Variants in DYNC1LI2 observed in about 807,000 individuals in gnomAD.
DYNC1LI2 encodes the protein dynein cytoplasmic 1 light intermediate chain 2, also known as cytoplasmic dynein 1 light intermediate chain 2.
DYNC1LI2 carries 19 observed loss-of-function variants against 57.8 expected under a neutral mutation model. The ratio of observed to expected loss-of-function variants is 0.33; its 90% CI spans 0.23 to 0.48. The LOEUF (loss-of-function observed/expected upper bound fraction) is 0.48, where lower values mean the gene tolerates loss of function less well. Among genes scored for constraint, DYNC1LI2 ranks in the 20% least tolerant of loss-of-function variants. DYNC1LI2 has a pLI of 0.99. For missense variants in DYNC1LI2, 470 were observed against 604.2 expected (o/e 0.78, Z 2.33); for synonymous variants, 256 against 233.4 (o/e 1.10, Z -0.88).
At chr16:66,727,384 T>C (rs1463640561) in intron 11 of DYNC1LI2, among the ~76,000 whole-genome samples, 1 of 152,126 alleles carries the variant, frequency 6.6e-6, no homozygotes, top group Non-Finnish European at 1.5e-5. Flanking sequence ...AGACCCTGTC[T>C]CTAAAAAAAT....
In DYNC1LI2 at chr16:66,730,158, G is replaced by A. The variant is rs368729372; in HGVS notation, c.995C>T (p.Pro332Leu). The A allele has an allele frequency of 2.2e-5, 36 of 1,613,980 alleles. No individual in the cohort carries two copies. The highest frequency in any genetic ancestry group is 2.5e-5 in the Non-Finnish European group (30 of 1,180,010). The change falls in exon 8 of 13, where the codon CCG (proline) becomes CTG (leucine). Residue 332 changes from proline to leucine, a missense_variant. Coordinates refer to ENST00000258198, the MANE Select transcript of DYNC1LI2 (RefSeq NM_006141.3). Reference sequence around the variant, plus strand: ...AATAAAGTCTTCATATGCATCTTCCGGCTTCACGGTTGTAAAATTTTCATG... The same window carrying A: ...AATAAAGTCTTCATATGCATCTTCCAGCTTCACGGTTGTAAAATTTTCATG... ...ILHENFTTVK[P>L]EDAYEDFIVK...
chr16:66,735,592 C>T (rs1043868592), intron 5 of DYNC1LI2, among the ~76,000 whole-genome samples: 1 of 151,952 alleles, frequency 6.6e-6, no homozygotes. Context: ...CTGCAAGCTC[C>T]ACCTCCTGGG....
chr16:66,728,369 T>A (rs899260614), intron 9 of DYNC1LI2, 127 bp from the exon 10 acceptor site: 4 of 1,088,006 alleles, frequency 3.7e-6, no homozygotes, highest in Non-Finnish European at 5.3e-6. Context: ...CTATGTTTTA[T>A]ACCACAGATG....
rs1362641731 is a variant in DYNC1LI2, at chr16:66,732,330, A to G, written c.929+9T>C. ...AAGAGTTTCAAAGCATCAGCTCAAAATAACTCACATAAAAACGGCATCCTT... is the reference window on the plus strand; with the variant it reads ...AAGAGTTTCAAAGCATCAGCTCAAAGTAACTCACATAAAAACGGCATCCTT... On this transcript the variant is annotated intron_variant, in intron 7 of 12. Transcript: ENST00000258198. 1.9e-6 allele frequency: 3 copies of G among 1,610,000 alleles called. No individual in the cohort carries two copies. The highest frequency in any genetic ancestry group is 1.7e-4 in the Middle Eastern group (1 of 5,932).
In DYNC1LI2 at chr16:66,744,590, A is replaced by G. The variant is rs777836031; in HGVS notation, c.299-1922T>C. Among the ~76,000 whole-genome samples the G allele has an allele frequency of 1.4e-4, 21 of 152,300 alleles. 1 individual carries two copies. The South Asian group carries it at 1.4e-3, about 11-fold the overall frequency. ...CACTCTATCACCCAGGCTGGAGTGT[A>G]GTGGCACGATATTGGCTCACTGCAA... On this transcript the variant is annotated intron_variant, in intron 3 of 12. Transcript: ENST00000258198.
intron 3 of DYNC1LI2, among the ~76,000 whole-genome samples, chr16:66,743,058 AG>A (rs1254349976): frequency 6.6e-6 from 1 of 152,150 alleles, no homozygotes; most frequent in Non-Finnish European, 1.5e-5. Context: ...GCTACTTAGG[AG>A]GCTGAGGCAG....
intron 12 of DYNC1LI2, among the ~76,000 whole-genome samples, chr16:66,725,174 C>G (rs2017515367): frequency 8.4e-6 from 1 of 118,918 alleles, no homozygotes; most frequent in South Asian, 3.2e-4. Flanking sequence ...GACTCCATCT[C>G]TATCAAAAAA....
chr16:66,749,054 C>T (rs1215012422), intron 3 of DYNC1LI2, 143 bp downstream of exon 3: 56 of 784,764 alleles, frequency 7.1e-5, no homozygotes, highest in African/African-American at 2.1e-4. Context: ...GCAAAAGATA[C>T]GTACTTCATC....
At chr16:66,740,499 G>C (rs914604227) in intron 4 of DYNC1LI2, among the ~76,000 whole-genome samples, 1 of 152,208 alleles carries the variant, frequency 6.6e-6, no homozygotes, top group East Asian at 1.9e-4. Flanking sequence ...GGTGGTGACA[G>C]CAGAGAGGCC....
chr16:66,725,291 C>A (rs1485068722), intron 12 of DYNC1LI2, among the ~76,000 whole-genome samples: 1 of 151,740 alleles, frequency 6.6e-6, no homozygotes, highest in Non-Finnish European at 1.5e-5. Flanking sequence ...ACCAGCCTGG[C>A]CAACATGATG....
chr16:66,729,468 A>G (rs549041526), intron 8 of DYNC1LI2, among the ~76,000 whole-genome samples: 2 of 151,960 alleles, frequency 1.3e-5, no homozygotes, highest in African/African-American at 2.4e-5. Context: ...AGCCATTTAC[A>G]TAACGCCAGA....
chr16:66,750,237 C>A (rs1160177546), intron 2 of DYNC1LI2, among the ~76,000 whole-genome samples: 1 of 152,140 alleles, frequency 6.6e-6, no homozygotes, highest in Non-Finnish European at 1.5e-5. Context: ...CTCTAAGGGT[C>A]CGGTATTACC....
chr16:66,736,257 G>A lies in DYNC1LI2; in HGVS notation c.530-13C>T, dbSNP rs773190051. 8.1e-6 allele frequency: 13 copies of A among 1,603,276 alleles called. No homozygotes were observed. In the Admixed American group the frequency reaches 8.7e-5, roughly 11 times the overall value. On this transcript the variant is annotated splice_polypyrimidine_tract_variant and intron_variant, in intron 4 of 12. Transcript: ENST00000258198. The stretch of plus-strand genomic sequence containing the variant: ...AAATCTTTCACAACTGGGGGAAAAA[G>A]AGGAAAAAAAATCACATGCACATAA...
In DYNC1LI2 at chr16:66,751,384, G is replaced by C. The variant is rs780460724; in HGVS notation, c.108-38C>G. On this transcript the variant is annotated intron_variant, in intron 1 of 12. Transcript: ENST00000258198. This position sits in a 1 kb window ranked among gnomAD's most constrained non-coding sequence, Gnocchi z 5.2. ...TGGCAAGAGTGGTCAGCCCCGGGCC[G>C]GGCTGGGATGGCCCGGCTCGCGTCG... 2 of 1,602,336 alleles carry C rather than the reference G, an allele frequency of 1.2e-6. No homozygotes were observed. The highest frequency in any genetic ancestry group is 1.4e-5 in the African/African-American group (1 of 72,908).
intron 5 of DYNC1LI2, 146 bp from the exon 6 acceptor site, chr16:66,734,457 A>C: frequency 1.3e-6 from 1 of 774,926 alleles, no homozygotes; most frequent in Non-Finnish European, 2.0e-6. Context: ...AGAGTAAAAA[A>C]GAACCGGAGA....
chr16:66,732,190 T>A, intron 7 of DYNC1LI2, 149 bp downstream of exon 7: 1 of 1,038,578 alleles, frequency 9.6e-7, no homozygotes, highest in Non-Finnish European at 1.3e-6. Context: ...AGATGCCTCA[T>A]AATCCGGAAA....
In DYNC1LI2 at chr16:66,751,283, G is replaced by A. The variant is rs138053765; in HGVS notation, c.171C>T (p.Ile57=). The A allele has an allele frequency of 1.7e-5, 28 of 1,611,762 alleles. No homozygotes were observed. The highest frequency in any genetic ancestry group is 4.5e-5 in the East Asian group (2 of 44,686). ...GCCGCCGGCGCTCACCGAAGACCAGGATGTTCTTGCCGGACGGCAGCTTGG... is the reference window on the plus strand; with the variant it reads ...GCCGCCGGCGCTCACCGAAGACCAGAATGTTCTTGCCGGACGGCAGCTTGG... The part of the protein sequence containing the change: ...ARSKLPSGKN[I]LVFGEDGSGK... Residue 57 remains isoleucine (I), a synonymous_variant, in exon 2 of 13, where the codon ATC becomes ATT. Transcript: ENST00000258198. The surrounding 1 kb of genome is among the most constrained non-coding windows in gnomAD (Gnocchi z 5.2).
chr16:66,749,643 T>C (rs2018004698), intron 2 of DYNC1LI2, among the ~76,000 whole-genome samples: 1 of 152,174 alleles, frequency 6.6e-6, no homozygotes, highest in African/African-American at 2.4e-5. Flanking sequence ...AAGGTAGGGT[T>C]AGTTTCTCAC....
In DYNC1LI2 at chr16:66,744,761, C is replaced by T. The variant is rs745670110; in HGVS notation, c.299-2093G>A. Among the ~76,000 whole-genome samples, 12 of 151,910 alleles carry T rather than the reference C, an allele frequency of 7.9e-5. No individual in the cohort carries two copies. The South Asian group carries it at 1.5e-3, about 18-fold the overall frequency. ...TTTTAGTACAGATGGGGTTTCACCA[C>T]GTTGGCCAGGCTGGTCTCGAACTCC... On this transcript the variant is annotated intron_variant, in intron 3 of 12. Transcript: ENST00000258198.
Sources: allele counts gnomAD v4.1 joint callset (sites outside exome capture counted in the v4.1 genomes callset), GRCh38; gene constraint gnomAD v4.1.1; non-coding constraint Gnocchi (gnomAD v3.1); transcripts MANE v1.5; gene names NCBI Gene and HGNC (gene_info 2026-07-23, HGNC 2026-07-21).